TBC1D15: variants seen among roughly 807,000 people sequenced by gnomAD.
TBC1D15 encodes GAP for RAB7.
Under a neutral mutation model 95.4 loss-of-function variants are expected in TBC1D15, and 39 were observed. The ratio of observed to expected loss-of-function variants is 0.41; its 90% confidence interval spans 0.32 to 0.53. The LOEUF (loss-of-function observed/expected upper bound fraction) is 0.53, where lower values mean the gene tolerates loss of function less well. Ranked by LOEUF, TBC1D15 falls within the 20% of genes least tolerant of loss-of-function variation. The pLI is 0.29. For synonymous variants in TBC1D15, 258 were observed against 261.3 expected (o/e 0.99, Z 0.12); for missense variants, 733 against 794.3 (o/e 0.92, Z 0.93).
intron 3 of TBC1D15, among the ~76,000 whole-genome samples, chr12:71,876,913 T>A: frequency 6.6e-6 from 1 of 151,442 alleles, no homozygotes; most frequent in East Asian, 1.9e-4. Flanking sequence ...TGGATTCAGG[T>A]GATTCTCTTG....
At chr12:71,892,543 T>A (rs1033302430) in intron 5 of TBC1D15, among the ~76,000 whole-genome samples, 5 of 152,004 alleles carry the variant, frequency 3.3e-5, no homozygotes, top group African/African-American at 1.2e-4. Context: ...GGAAACATTT[T>A]GTTAAATTCT....
rs79229446 is a variant in TBC1D15, at chr12:71,892,977, A to G, written c.555-245A>G. ...TTTACCTGGAATAAAAATACACTTT[A>G]TATTTGTTTTATTTACGTTATATAC... On this transcript the variant is annotated intron_variant, in intron 5 of 16. Transcript: ENST00000485960. Among the ~76,000 whole-genome samples, 580 of 151,788 alleles carry G rather than the reference A, an allele frequency of 3.8e-3. 3 individuals carry two copies. The highest frequency in any genetic ancestry group is 0.016 in the South Asian group (79 of 4,808).
chr12:71,916,186 T>A (rs1219182982), intron 12 of TBC1D15, among the ~76,000 whole-genome samples: 1 of 152,142 alleles, frequency 6.6e-6, no homozygotes, highest in East Asian at 1.9e-4. Flanking sequence ...TACAGACACA[T>A]TTATTTACAG....
At position 71,907,050 on chromosome 12, in the gene TBC1D15, A is replaced by G. The variant is rs1408766486; in HGVS notation, c.1212A>G (p.Thr404=). 1.2e-6 allele frequency: 2 copies of G among 1,611,280 alleles called. No individual in the cohort carries two copies. Among genetic ancestry groups the G allele is most frequent in the African/African-American group, 2.7e-5 (2 of 74,860 alleles). ...AAGATGTTAACAGAACAGATCGAAC[A>G]AACAAGTTTTATGAAGGCCAAGATA... The part of the protein sequence containing the change: ...IEKDVNRTDR[T]NKFYEGQDNP... Residue 404 remains threonine (T), a synonymous_variant, in exon 11 of 17, where the codon ACA becomes ACG. Coordinates refer to ENST00000485960, the MANE Select transcript of TBC1D15 (RefSeq NM_001146213.3).
intron 16 of TBC1D15, among the ~76,000 whole-genome samples, chr12:71,922,624 T>C (rs920902195): frequency 1.3e-5 from 2 of 152,232 alleles, no homozygotes; most frequent in Non-Finnish European, 2.9e-5. Context: ...GTCAATGAGA[T>C]ACTTCTTGCC....
At chr12:71,901,063 G>T (rs778246805) in intron 10 of TBC1D15, among the ~76,000 whole-genome samples, 2 of 152,128 alleles carry the variant, frequency 1.3e-5, no homozygotes, top group Non-Finnish European at 2.9e-5. Flanking sequence ...ACAGATTCTT[G>T]CTTGTCACCC....
chr12:71,849,196 ACT>A, intron 1 of TBC1D15: 1 of 349,976 alleles, frequency 2.9e-6, no homozygotes, highest in Non-Finnish European at 5.1e-6. Flanking sequence ...AAAACAAAAA[ACT>A]TCAGTGTCCA....
At chr12:71,892,110 C>T (rs1171978489) in intron 5 of TBC1D15, among the ~76,000 whole-genome samples, 3 of 151,950 alleles carry the variant, frequency 2.0e-5, no homozygotes, top group South Asian at 2.1e-4. Context: ...TAATTATGAC[C>T]CCTCAAAATA....
At chr12:71,880,804 A>T (rs923173311) in intron 4 of TBC1D15, among the ~76,000 whole-genome samples, 197 bp downstream of exon 4, 13 of 152,200 alleles carry the variant, frequency 8.5e-5, no homozygotes, top group African/African-American at 1.2e-4. Context: ...AAAATATTTT[A>T]AAATACTTGC....
chr12:71,922,953 A>G, intron 16 of TBC1D15, 30 bp from the exon 17 acceptor site: 3 of 1,605,888 alleles, frequency 1.9e-6, no homozygotes, highest in Non-Finnish European at 2.6e-6. Flanking sequence ...GTAGTGAAAT[A>G]TGGTTTTGAG....
In TBC1D15 at chr12:71,880,064, T is replaced by C. The variant is rs1409187674; in HGVS notation, c.205-405T>C. On this transcript the variant is annotated intron_variant, in intron 3 of 16. Coordinates refer to ENST00000485960, the MANE Select transcript of TBC1D15 (RefSeq NM_001146213.3). Reference sequence around the variant, plus strand: ...CCATTGATGGCTTAAATAGCCACCATTGGGCTCTTTTCTTTAAATAACTAA... The same window carrying C: ...CCATTGATGGCTTAAATAGCCACCACTGGGCTCTTTTCTTTAAATAACTAA... Among the ~76,000 whole-genome samples, 3 of 152,184 alleles carry C rather than the reference T, an allele frequency of 2.0e-5. No individual in the cohort carries two copies. The South Asian group carries it at 6.2e-4, about 31-fold the overall frequency.
intron 12 of TBC1D15, among the ~76,000 whole-genome samples, chr12:71,914,295 A>G (rs1903152162): frequency 6.6e-6 from 1 of 152,014 alleles, no homozygotes; most frequent in Non-Finnish European, 1.5e-5. Flanking sequence ...CATGCCAAGT[A>G]ATATCCTTAC....
At chr12:71,848,014 T>C (rs1886771767) in intron 1 of TBC1D15, among the ~76,000 whole-genome samples, 1 of 152,072 alleles carries the variant, frequency 6.6e-6, no homozygotes, top group Non-Finnish European at 1.5e-5. Flanking sequence ...GGAGAATCGC[T>C]TGAATTCAGG....
chr12:71,882,045 G>A (rs1015510171), intron 4 of TBC1D15, among the ~76,000 whole-genome samples: 25 of 150,582 alleles, frequency 1.7e-4, no homozygotes, highest in Admixed American at 8.6e-4. Context: ...ATTTCATTAC[G>A]AAACTTTCTT....
intron 3 of TBC1D15, among the ~76,000 whole-genome samples, chr12:71,874,162 A>G (rs765706074): frequency 1.3e-5 from 2 of 152,190 alleles, no homozygotes; most frequent in Non-Finnish European, 2.9e-5. Context: ...GGTCTTTGAC[A>G]TTGCTTTAAT....
At chr12:71,887,548 A>G (rs887547347) in intron 5 of TBC1D15, among the ~76,000 whole-genome samples, 1 of 152,058 alleles carries the variant, frequency 6.6e-6, no homozygotes, top group Non-Finnish European at 1.5e-5. Context: ...AAAACCCCCT[A>G]AACTCTTTCT....
chr12:71,877,525 T>G (rs887451233), intron 3 of TBC1D15, among the ~76,000 whole-genome samples: 2 of 135,646 alleles, frequency 1.5e-5, no homozygotes, highest in Non-Finnish European at 3.1e-5. Flanking sequence ...CCTTCCTTCC[T>G]TCCTTCCTTC....
At chr12:71,908,553 G>A (rs12810964) in intron 11 of TBC1D15, among the ~76,000 whole-genome samples, 24,715 of 152,144 alleles carry the variant, frequency 0.16, 2,680 homozygotes, top group Non-Finnish European at 0.24. Flanking sequence ...CCATATGTAA[G>A]TTAGGGGAAG....
intron 1 of TBC1D15, among the ~76,000 whole-genome samples, chr12:71,840,516 A>G (rs1194559200): frequency 6.6e-6 from 1 of 152,198 alleles, no homozygotes; most frequent in Non-Finnish European, 1.5e-5. Context: ...GGAAACTAGA[A>G]TTACGTGCGG....
Sources: gnomAD v4.1 joint callset for allele counts (sites outside exome capture counted in the v4.1 genomes callset) on GRCh38, gnomAD v4.1.1 for gene constraint, MANE v1.5 for transcripts, NCBI Gene and HGNC (gene_info 2026-07-23, HGNC 2026-07-21) for gene names.